The following CTNNA3 variants were observed in gnomAD, a reference collection of about 807,000 sequenced individuals.
The protein encoded by CTNNA3 is catenin alpha 3, also known as catenin alpha-3.
A neutral mutation model predicts 95.7 loss-of-function variants in CTNNA3; 76 were observed. That is an observed-to-expected ratio of 0.79 (90% CI 0.66 to 0.96). CTNNA3 has a LOEUF of 0.96. CTNNA3 is among the 40% of genes least tolerant of loss of function. CTNNA3 has a pLI of 0.00. For missense variants in CTNNA3, 1,191 were observed against 1,089.8 expected, an observed-to-expected ratio of 1.09 and a Z score of -1.31; for synonymous variants, 431 against 374.4, an observed-to-expected ratio of 1.15 and a Z score of -1.74.
At chr10:66,706,814 G>A (rs1848133905) in intron 9 of CTNNA3, among the ~76,000 whole-genome samples, 1 of 151,994 alleles carries the variant, frequency 6.6e-6, no homozygotes. Flanking sequence ...CAGTTTGTCT[G>A]TAAATGTCTA....
chr10:66,026,357 A>G (rs1183783975), intron 15 of CTNNA3, among the ~76,000 whole-genome samples: 1 of 152,188 alleles, frequency 6.6e-6, no homozygotes, highest in African/African-American at 2.4e-5. Flanking sequence ...TTTTCATTGA[A>G]CTGAGTTCCA....
chr10:67,311,831 G>T (rs1433972182), intron 5 of CTNNA3, among the ~76,000 whole-genome samples: 1 of 151,972 alleles, frequency 6.6e-6, no homozygotes, highest in Non-Finnish European at 1.5e-5. Flanking sequence ...GAATACTGAA[G>T]CTTATGTTTT....
intron 5 of CTNNA3, among the ~76,000 whole-genome samples, chr10:67,371,507 G>T (rs1843464270): frequency 6.6e-6 from 1 of 151,260 alleles, no homozygotes; most frequent in Non-Finnish European, 1.5e-5. Flanking sequence ...GCAATAGTTT[G>T]CTGAGAATGA....
intron 5 of CTNNA3, among the ~76,000 whole-genome samples, chr10:67,407,078 A>G (rs1356064721): frequency 6.6e-6 from 1 of 152,208 alleles, no homozygotes; most frequent in Non-Finnish European, 1.5e-5. Context: ...TGAGGCCAGC[A>G]TCATCCTGAT....
At position 67,726,583 on chromosome 10, in the gene CTNNA3, A is replaced by T. The variant is rs866221730; in HGVS notation, c.-2+36851T>A. ...TATAATATATATTACATATTATATA[A>T]TATGTAATATTATATTACATATTAT... On this transcript the variant is annotated intron_variant, in intron 1 of 17. Coordinates refer to the CTNNA3 transcript ENST00000684154. Among the ~76,000 whole-genome samples the T allele has an allele frequency of 7.6e-4, 52 of 68,382 alleles. 1 individual carries two copies. Among genetic ancestry groups the T allele is most frequent in the African/African-American group, 3.6e-3 (49 of 13,460 alleles). 44.9% of individuals were successfully genotyped at this position (68,382 alleles called of 152,430 possible).
chr10:67,194,746 T>C (rs1863270238), intron 6 of CTNNA3, among the ~76,000 whole-genome samples: 1 of 151,946 alleles, frequency 6.6e-6, no homozygotes, highest in East Asian at 1.9e-4. Context: ...GTTTAGTTCA[T>C]CAATTGTAAC....
intron 13 of CTNNA3, among the ~76,000 whole-genome samples, chr10:66,249,785 C>A (rs1322838542): frequency 2.6e-5 from 4 of 152,114 alleles, no homozygotes; most frequent in Non-Finnish European, 5.9e-5. Flanking sequence ...GATAGCACCA[C>A]TGCACTCCAG....
chr10:67,053,328 C>A (rs1925599), intron 7 of CTNNA3, among the ~76,000 whole-genome samples: 65,475 of 151,920 alleles, frequency 0.43, 14,553 homozygotes, highest in Middle Eastern at 0.61. Context: ...CTGGAAAAAT[C>A]TGATTCCATT....
intron 15 of CTNNA3, among the ~76,000 whole-genome samples, chr10:66,064,338 G>A (rs181049442): frequency 4.7e-4 from 72 of 152,194 alleles, no homozygotes; most frequent in African/African-American, 1.7e-3. Context: ...GATCCGGATG[G>A]GGACACAAAG....
At chr10:67,140,368 A>T (rs139535610) in intron 7 of CTNNA3, among the ~76,000 whole-genome samples, 2 of 152,288 alleles carry the variant, frequency 1.3e-5, no homozygotes, top group African/African-American at 4.8e-5. Flanking sequence ...TTTGTATTAG[A>T]ATAGCAAAAT....
intron 3 of CTNNA3, among the ~76,000 whole-genome samples, chr10:67,545,119 G>A (rs963367874): frequency 3.9e-5 from 6 of 152,066 alleles, no homozygotes; most frequent in East Asian, 3.8e-4. Flanking sequence ...CGTGCACAAC[G>A]TGCAGGTTTG....
At chr10:66,602,022 G>A (rs1260555565) in intron 10 of CTNNA3, among the ~76,000 whole-genome samples, 1 of 151,946 alleles carries the variant, frequency 6.6e-6, no homozygotes, top group Non-Finnish European at 1.5e-5. Flanking sequence ...TAAAATGAGA[G>A]TGCAGAGACT....
chr10:66,300,690 T>A (rs2091849127), intron 12 of CTNNA3, among the ~76,000 whole-genome samples: 1 of 151,848 alleles, frequency 6.6e-6, no homozygotes, highest in Non-Finnish European at 1.5e-5. Flanking sequence ...GCTTGCCCAG[T>A]GCTCTTTAAA....
intron 5 of CTNNA3, among the ~76,000 whole-genome samples, chr10:67,372,055 C>T (rs1258697513): frequency 2.6e-5 from 4 of 151,896 alleles, no homozygotes; most frequent in Non-Finnish European, 4.4e-5. Context: ...TCATATCTTT[C>T]GCCCACTTGC....
intron 5 of CTNNA3, among the ~76,000 whole-genome samples, chr10:67,422,873 C>T (rs1845795871): frequency 6.6e-6 from 1 of 152,054 alleles, no homozygotes; most frequent in Non-Finnish European, 1.5e-5. Flanking sequence ...TGAGAACAAA[C>T]TAATACACTC....
chr10:66,962,384 GT>G (rs577757295), intron 7 of CTNNA3, among the ~76,000 whole-genome samples: 26 of 149,424 alleles, frequency 1.7e-4, no homozygotes, highest in Non-Finnish European at 3.1e-4. Flanking sequence ...ACTCCTCTAA[GT>G]TTTTTTTTGT....
chr10:66,141,836 A>G (rs1281526811), intron 13 of CTNNA3, among the ~76,000 whole-genome samples: 2 of 152,202 alleles, frequency 1.3e-5, no homozygotes, highest in Non-Finnish European at 2.9e-5. Context: ...AGCATTGCCA[A>G]CAAATTGATG....
intron 12 of CTNNA3, among the ~76,000 whole-genome samples, chr10:66,362,096 ATTTTT>A (rs569047811): frequency 2.9e-3 from 236 of 81,782 alleles, no homozygotes; most frequent in African/African-American, 7.9e-3. Context: ...TTCATACACA[ATTTTT>A]TTTTTTTTTT....
At chr10:67,612,081 G>A (rs374416899) in intron 2 of CTNNA3, among the ~76,000 whole-genome samples, 3 of 151,938 alleles carry the variant, frequency 2.0e-5, no homozygotes, top group South Asian at 2.1e-4. Context: ...ACCCTTACTG[G>A]ATTAACAAAA....
Sources: gnomAD v4.1 joint callset for allele counts (sites outside exome capture counted in the v4.1 genomes callset) on GRCh38, gnomAD v4.1.1 for gene constraint, MANE v1.5 for transcripts, NCBI Gene and HGNC (gene_info 2026-07-23, HGNC 2026-07-21) for gene names.